The following DENND11 variants were observed in gnomAD, a reference collection of about 807,000 sequenced individuals.
DENND11 encodes the protein DENN domain containing 11, also known as DENN domain-containing protein 11.
In DENND11, 34 loss-of-function variants were observed where a neutral mutation model predicts 49.2. The ratio of observed to expected loss-of-function variants is 0.69; its 90% CI spans 0.53 to 0.92. DENND11 has a LOEUF of 0.92. Among genes scored for constraint, DENND11 ranks in the 40% least tolerant of loss-of-function variants. The pLI is 0.00. For missense variants in DENND11, 475 were observed against 581.6 expected (o/e 0.82, Z 1.88); for synonymous variants, 238 against 230.3 (o/e 1.03, Z -0.30).
intron 3 of DENND11, among the ~76,000 whole-genome samples, chr7:141,684,951 G>A (rs1274532125): frequency 7.2e-6 from 1 of 139,466 alleles, no homozygotes; most frequent in Non-Finnish European, 1.5e-5. Context: ...GAGGCAGGAG[G>A]ATCACTTGAC....
chr7:141,664,193 C>T lies in DENND11; in HGVS notation c.1151G>A (p.Cys384Tyr). ...TCACAGCACGAAGAGGTCCTCTTCACAAGGGTTGTAGTCTTCTTCTACTTC... is the reference window on the plus strand; with the variant it reads ...TCACAGCACGAAGAGGTCCTCTTCATAAGGGTTGTAGTCTTCTTCTACTTC... The part of the protein sequence containing the change: ...SQEVEEDYNP[C>Y]EEDLFVLFFL... Residue 384 changes from cysteine (C) to tyrosine (Y), a missense_variant, in exon 8 of 9, where the codon TGT (cysteine) becomes TAT (tyrosine). Physicochemically the swap from Cys to Tyr is radical, Grantham distance 194. Coordinates refer to ENST00000536163, the MANE Select transcript of DENND11 (RefSeq NM_001080392.2). 1 of 1,584,306 alleles carries T rather than the reference C, an allele frequency of 6.3e-7. No homozygotes were observed. The highest frequency in any genetic ancestry group is 8.6e-7 in the Non-Finnish European group (1 of 1,163,662).
intron 1 of DENND11, among the ~76,000 whole-genome samples, chr7:141,688,864 A>G (rs907888877): frequency 1.3e-5 from 2 of 152,214 alleles, no homozygotes; most frequent in Non-Finnish European, 2.9e-5. Flanking sequence ...GCCTCTGTAT[A>G]CACGCTCCTA....
chr7:141,675,656 A>C lies in DENND11; in HGVS notation c.528-1436T>G, dbSNP rs151282728. 6.5e-3 allele frequency among the ~76,000 whole-genome samples: 988 copies of C among 152,286 alleles called. 17 individuals are homozygous for C. The highest frequency in any genetic ancestry group is 4.6e-3 in the Non-Finnish European group (311 of 67,994). On this transcript the variant is annotated intron_variant, in intron 3 of 8. Coordinates refer to ENST00000536163, the MANE Select transcript of DENND11 (RefSeq NM_001080392.2). ...GGTGGCTTACCCCAAACTATGACACAAACTGTTGAGTCAAGATTTTCATCA... is the reference window on the plus strand; with the variant it reads ...GGTGGCTTACCCCAAACTATGACACCAACTGTTGAGTCAAGATTTTCATCA...
intron 1 of DENND11, 163 bp downstream of exon 1, chr7:141,701,723 C>G (rs1798522245): frequency 2.0e-6 from 1 of 506,102 alleles, no homozygotes. Context: ...TGAGGACTGG[C>G]CGACCCCCGC....
chr7:141,693,199 G>T lies in DENND11; in HGVS notation c.269-6541C>A, dbSNP rs147496111. Among the ~76,000 whole-genome samples, 771 of 152,256 alleles carry T rather than the reference G, an allele frequency of 5.1e-3. 8 individuals are homozygous for T. The highest frequency in any genetic ancestry group is 0.018 in the African/African-American group (753 of 41,556). ...AATCCAACTTTTTAAAAGGGTAAAA[G>T]ATCTGAACAGACAACTGATCAAGGA... On this transcript the variant is annotated intron_variant, in intron 1 of 8. Coordinates refer to ENST00000536163, the MANE Select transcript of DENND11 (RefSeq NM_001080392.2).
chr7:141,673,397 A>G (rs751437844), intron 4 of DENND11, among the ~76,000 whole-genome samples: 1 of 152,210 alleles, frequency 6.6e-6, no homozygotes, highest in Non-Finnish European at 1.5e-5. Context: ...TGGTTCTGGA[A>G]TCAGCATTCC....
At chr7:141,684,342 A>G (rs1388715390) in intron 3 of DENND11, among the ~76,000 whole-genome samples, 1 of 152,236 alleles carries the variant, frequency 6.6e-6, no homozygotes, top group African/African-American at 2.4e-5. Context: ...AAGGAATAGT[A>G]TATCTTACTG....
chr7:141,665,425 G>C (rs1365798493), intron 5 of DENND11, 107 bp from the exon 6 acceptor site: 1 of 1,465,456 alleles, frequency 6.8e-7, no homozygotes, highest in African/African-American at 1.4e-5. Flanking sequence ...GGTGCTTCAG[G>C]ATCCAGGTGG....
intron 4 of DENND11, among the ~76,000 whole-genome samples, chr7:141,669,870 C>T (rs1478517430): frequency 6.1e-5 from 8 of 131,494 alleles, no homozygotes; most frequent in East Asian, 4.6e-4. Flanking sequence ...AGTGCAGTGG[C>T]GCAATCTCGG....
intron 3 of DENND11, among the ~76,000 whole-genome samples, chr7:141,676,512 G>T (rs1798062541): frequency 6.6e-6 from 1 of 152,160 alleles, no homozygotes; most frequent in South Asian, 2.1e-4. Flanking sequence ...TGAGGATTCT[G>T]TCCTTTGATT....
chr7:141,681,544 G>T (rs1798146326), intron 3 of DENND11, among the ~76,000 whole-genome samples: 1 of 152,150 alleles, frequency 6.6e-6, no homozygotes. Context: ...AAATGAGGGA[G>T]AAAGGGATGG....
rs1797725014 is a variant in DENND11 at position 141,657,995 on chromosome 7, AC to A, written c.*4660del. ...GTATTTTTATGTCAACCTTCCTAGG[AC>A]TGTCAAGTCTGCCTCCTAAAGAGCG... is the stretch of plus-strand genomic sequence containing the variant. On this transcript the variant is annotated 3_prime_UTR_variant, in exon 9 of 9. Transcript: ENST00000536163. 6.6e-6 allele frequency: 1 copy of A among 152,470 alleles called. No individual in the cohort carries two copies. The highest frequency in any genetic ancestry group is 1.5e-5 in the Non-Finnish European group (1 of 68,044). The allele number at this position is 152,470 out of a possible 1,614,324, so 9.4% of individuals were successfully genotyped here.
chr7:141,674,988 G>A (rs1463372518), intron 3 of DENND11, among the ~76,000 whole-genome samples: 1 of 152,160 alleles, frequency 6.6e-6, no homozygotes, highest in Admixed American at 6.5e-5. Flanking sequence ...GGATGTTATA[G>A]GTTGAATTTT....
chr7:141,688,726 G>A (rs993259319), intron 1 of DENND11, among the ~76,000 whole-genome samples: 1 of 149,462 alleles, frequency 6.7e-6, no homozygotes, highest in African/African-American at 2.5e-5. Flanking sequence ...CCTGTGGAAT[G>A]CATCAGGACA....
chr7:141,684,199 A>C (rs1798194159), intron 3 of DENND11, among the ~76,000 whole-genome samples: 1 of 152,144 alleles, frequency 6.6e-6, no homozygotes, highest in Admixed American at 6.5e-5. Flanking sequence ...GGCCTCCTAA[A>C]GTGCTGGGAT....
chr7:141,691,955 GATGA>G (rs1798333810), intron 1 of DENND11, among the ~76,000 whole-genome samples: 1 of 152,112 alleles, frequency 6.6e-6, no homozygotes, highest in Non-Finnish European at 1.5e-5. Context: ...TAAAAAAACT[GATGA>G]ATTAGTGTTA....
intron 3 of DENND11, among the ~76,000 whole-genome samples, chr7:141,679,644 G>A (rs963335896): frequency 6.6e-5 from 10 of 151,682 alleles, no homozygotes; most frequent in African/African-American, 2.2e-4. Flanking sequence ...CCTGGGAGGC[G>A]GAGGTTGCAA....
At chr7:141,670,701 G>T (rs1344175397) in intron 4 of DENND11, among the ~76,000 whole-genome samples, 6 of 152,178 alleles carry the variant, frequency 3.9e-5, no homozygotes, top group Non-Finnish European at 8.8e-5. Context: ...TCATAAGGTC[G>T]AAAAATCATA....
At position 141,661,508 on chromosome 7, in the gene DENND11, C is replaced by G. The variant is rs1053605814; in HGVS notation, c.*1148G>C. The G allele has an allele frequency of 6.6e-6, 1 of 152,262 alleles. No homozygotes were observed. 9.4% of individuals were successfully genotyped at this position (152,262 alleles called of 1,614,324 possible). A position where few individuals can be genotyped will look rare whatever the true frequency, so the allele number is the denominator to read the frequency against. ...AAGGCACTGCCACATTTTCTCTCAA[C>G]AAATCTGTTATGTCCCTGGATCCAA... On this transcript the variant is annotated 3_prime_UTR_variant, in exon 9 of 9. Transcript: ENST00000536163.
Sources: allele counts gnomAD v4.1 joint callset (sites outside exome capture counted in the v4.1 genomes callset), GRCh38; gene constraint gnomAD v4.1.1; transcripts MANE v1.5; gene names NCBI Gene and HGNC (gene_info 2026-07-23, HGNC 2026-07-21).